The following FARS2 variants were observed in gnomAD, a reference collection of about 807,000 sequenced individuals.
The protein encoded by FARS2 is phenylalanyl-tRNA synthetase 2, mitochondrial.
Under a neutral mutation model 46.4 loss-of-function variants are expected in FARS2, and 40 were observed. The ratio of observed to expected loss-of-function variants is 0.86; its 90% CI spans 0.67 to 1.12. FARS2 has a LOEUF of 1.12. Among genes scored for constraint, FARS2 ranks in the 50% most tolerant of loss-of-function variants. FARS2 has a pLI of 0.00. For synonymous variants in FARS2, 234 were observed against 214.9 expected, an observed-to-expected ratio of 1.09 and a Z score of -0.78; for missense variants, 513 against 567.9, an observed-to-expected ratio of 0.90 and a Z score of 0.98.
chr6:5,486,416 A>G (rs904616851), intron 4 of FARS2, among the ~76,000 whole-genome samples: 3 of 152,152 alleles, frequency 2.0e-5, no homozygotes, highest in African/African-American at 7.2e-5. Context: ...TTAGCCTTCT[A>G]TTCAGGTGAG....
intron 6 of FARS2, among the ~76,000 whole-genome samples, chr6:5,743,418 C>T (rs187172864): frequency 9.6e-4 from 147 of 152,332 alleles, no homozygotes; most frequent in Admixed American, 9.3e-3. Flanking sequence ...CATCACCTTC[C>T]TGACAGCAGC....
chr6:5,757,061 TG>T (rs757711755), intron 6 of FARS2, among the ~76,000 whole-genome samples: 15 of 152,196 alleles, frequency 9.9e-5, no homozygotes, highest in Admixed American at 2.0e-4. Flanking sequence ...AATTAACCCA[TG>T]GGCAGTCTTA....
At chr6:5,576,323 G>T (rs576890624) in intron 5 of FARS2, among the ~76,000 whole-genome samples, 41 of 151,922 alleles carry the variant, frequency 2.7e-4, no homozygotes, top group Non-Finnish European at 5.2e-4. Context: ...TGCCAGCATG[G>T]CTATAATATA....
At chr6:5,654,422 A>G (rs998980466) in intron 6 of FARS2, among the ~76,000 whole-genome samples, 7 of 152,238 alleles carry the variant, frequency 4.6e-5, no homozygotes, top group African/African-American at 1.7e-4. Flanking sequence ...TATTCCAAAA[A>G]AAACAAAGAT....
chr6:5,513,646 C>T (rs746452107), intron 4 of FARS2, among the ~76,000 whole-genome samples: 2 of 152,174 alleles, frequency 1.3e-5, no homozygotes, highest in Non-Finnish European at 2.9e-5. Flanking sequence ...TGAGCCTCTT[C>T]TGTGTGTGCA....
intron 4 of FARS2, among the ~76,000 whole-genome samples, chr6:5,499,974 G>A (rs1767693557): frequency 6.6e-6 from 1 of 152,118 alleles, no homozygotes; most frequent in Non-Finnish European, 1.5e-5. Context: ...ATTAATACAA[G>A]GGGCATCTGA....
intron 6 of FARS2, among the ~76,000 whole-genome samples, chr6:5,709,789 T>C (rs1266024669): frequency 6.6e-6 from 1 of 151,860 alleles, no homozygotes; most frequent in Admixed American, 6.6e-5. Context: ...GTAGTGGAGC[T>C]GAAGGAAAGA....
intron 6 of FARS2, among the ~76,000 whole-genome samples, chr6:5,702,967 C>G (rs374189557): frequency 1.3e-5 from 2 of 152,188 alleles, no homozygotes; most frequent in Admixed American, 6.5e-5. Context: ...GGAACTCCCA[C>G]AGGCCCTGCT....
chr6:5,398,746 C>G (rs1383657275), intron 2 of FARS2, among the ~76,000 whole-genome samples: 1 of 152,072 alleles, frequency 6.6e-6, no homozygotes, highest in African/African-American at 2.4e-5. Context: ...CATATGAGTA[C>G]CTCCAATCTA....
At chr6:5,493,209 C>CAAAAA (rs34541325) in intron 4 of FARS2, among the ~76,000 whole-genome samples, 8 of 92,858 alleles carry the variant, frequency 8.6e-5, no homozygotes, top group South Asian at 3.6e-4. Flanking sequence ...GACTGTGTCT[C>CAAAAA]AAAAAAAAAA....
At chr6:5,341,235 A>ATATATATTT (rs1561970178) in intron 1 of FARS2, among the ~76,000 whole-genome samples, 19 of 10,272 alleles carry the variant, frequency 1.8e-3, no homozygotes, top group African/African-American at 3.1e-3. Flanking sequence ...ATATATATAT[A>ATATATATTT]TTTTTTTTTT....
chr6:5,407,963 G>T (rs1278638860), intron 3 of FARS2, among the ~76,000 whole-genome samples: 4 of 152,194 alleles, frequency 2.6e-5, no homozygotes, highest in African/African-American at 9.7e-5. Context: ...TGTCTTAACA[G>T]AAAGATTCAG....
At chr6:5,364,661 C>T (rs989372301) in intron 1 of FARS2, among the ~76,000 whole-genome samples, 1 of 152,278 alleles carries the variant, frequency 6.6e-6, no homozygotes, top group Non-Finnish European at 1.5e-5. Flanking sequence ...TTCAATCTTA[C>T]CTTGATAGCA....
At chr6:5,642,518 A>G (rs1776872849) in intron 6 of FARS2, among the ~76,000 whole-genome samples, 1 of 152,228 alleles carries the variant, frequency 6.6e-6, no homozygotes, top group African/African-American at 2.4e-5. Flanking sequence ...CTCCATCTAA[A>G]GCAGTCATTG....
chr6:5,353,441 T>C (rs887368771), intron 1 of FARS2, among the ~76,000 whole-genome samples: 1 of 152,228 alleles, frequency 6.6e-6, no homozygotes, highest in South Asian at 2.1e-4. Context: ...CTGGATCATA[T>C]AGAAGTCCTA....
At chr6:5,274,052 C>T (rs574489551) in intron 1 of FARS2, among the ~76,000 whole-genome samples, 1 of 152,218 alleles carries the variant, frequency 6.6e-6, no homozygotes, top group Non-Finnish European at 1.5e-5. Context: ...TATTCACGTA[C>T]AGGAAAAAAC....
At chr6:5,396,778 T>A (rs1249002094) in intron 2 of FARS2, among the ~76,000 whole-genome samples, 2 of 152,174 alleles carry the variant, frequency 1.3e-5, no homozygotes, top group Non-Finnish European at 1.5e-5. Context: ...GGCCTCTTGG[T>A]AGTAGTGGCA....
At chr6:5,461,005 T>C (rs867746938) in intron 4 of FARS2, among the ~76,000 whole-genome samples, 1 of 151,978 alleles carries the variant, frequency 6.6e-6, no homozygotes, top group Non-Finnish European at 1.5e-5. Flanking sequence ...TGTGTGTGTT[T>C]ATGGGCTTGT....
intron 6 of FARS2, among the ~76,000 whole-genome samples, chr6:5,671,655 T>A (rs952553746): frequency 1.3e-5 from 2 of 152,206 alleles, no homozygotes; most frequent in Non-Finnish European, 2.9e-5. Context: ...AGGAAAGGAC[T>A]TACTCCAAGA....
Sources: gnomAD v4.1 joint callset for allele counts (sites outside exome capture counted in the v4.1 genomes callset) on GRCh38, gnomAD v4.1.1 for gene constraint, MANE v1.5 for transcripts, NCBI Gene and HGNC (gene_info 2026-07-23, HGNC 2026-07-21) for gene names.